GRIK2: variants seen among roughly 807,000 people sequenced by gnomAD.
GRIK2 encodes the protein glutamate ionotropic receptor kainate type subunit 2, also known as glutamate receptor ionotropic, kainate 2.
In GRIK2, 32 loss-of-function variants were observed where a neutral mutation model predicts 100.3. The observed-to-expected ratio is 0.32, with a 90% confidence interval of 0.24 to 0.43. The LOEUF is 0.43. Ranked by LOEUF, GRIK2 falls within the 20% of genes least tolerant of loss-of-function variation. The probability of loss-of-function intolerance (pLI) is 1.00; values close to 1 mark genes in which losing one functional copy is unlikely to be tolerated. For missense variants in GRIK2, 843 were observed against 1,114.9 expected, an observed-to-expected ratio of 0.76 and a Z score of 3.47; for synonymous variants, 417 against 389.4, an observed-to-expected ratio of 1.07 and a Z score of -0.83.
intron 7 of GRIK2, among the ~76,000 whole-genome samples, chr6:101,760,730 A>AATTATATATTTAATTATATT (rs1562364940): frequency 4.5e-5 from 6 of 133,158 alleles, no homozygotes; most frequent in African/African-American, 1.4e-4. Context: ...ATTTAATTAT[A>AATTATATATTTAATTATATT]TAATTATATA....
intron 12 of GRIK2, among the ~76,000 whole-genome samples, chr6:101,897,374 C>T (rs1239824679): frequency 6.6e-6 from 1 of 151,684 alleles, no homozygotes; most frequent in Non-Finnish European, 1.5e-5. Flanking sequence ...TAGATAGCAA[C>T]ATTTTTTCAT....
chr6:101,996,404 T>C (rs1464921643), intron 14 of GRIK2, among the ~76,000 whole-genome samples: 3 of 152,058 alleles, frequency 2.0e-5, no homozygotes, highest in Non-Finnish European at 4.4e-5. Flanking sequence ...CTTTCTTTCC[T>C]ATTGGATTTG....
At chr6:101,891,171 G>A (rs1268323325) in intron 12 of GRIK2, among the ~76,000 whole-genome samples, 1 of 149,052 alleles carries the variant, frequency 6.7e-6, no homozygotes, top group African/African-American at 2.5e-5. Flanking sequence ...TTTTTTTCTA[G>A]CCATAAAAAT....
intron 7 of GRIK2, among the ~76,000 whole-genome samples, chr6:101,742,524 T>G (rs1040110414): frequency 6.6e-5 from 10 of 152,122 alleles, no homozygotes; most frequent in Non-Finnish European, 1.5e-4. Context: ...GGGTGCAGCT[T>G]GGTTTTATAC....
At chr6:101,394,310 G>A (rs1222389509) in intron 1 of GRIK2, among the ~76,000 whole-genome samples, 1 of 152,146 alleles carries the variant, frequency 6.6e-6, no homozygotes, top group African/African-American at 2.4e-5. Context: ...ACCGGCACCC[G>A]TATTAAGAGC....
intron 7 of GRIK2, among the ~76,000 whole-genome samples, chr6:101,702,994 A>C (rs1773002961): frequency 1.3e-5 from 2 of 151,918 alleles, no homozygotes; most frequent in Admixed American, 1.3e-4. Flanking sequence ...TTAGATATCC[A>C]AGCAGGAATA....
intron 14 of GRIK2, among the ~76,000 whole-genome samples, chr6:101,971,676 G>A (rs1024812925): frequency 6.6e-6 from 1 of 151,814 alleles, no homozygotes; most frequent in African/African-American, 2.4e-5. Context: ...CTGAAGTTTG[G>A]GGTATGATCC....
intron 10 of GRIK2, among the ~76,000 whole-genome samples, chr6:101,851,957 C>CAAAAA (rs35210713): frequency 7.7e-6 from 1 of 130,190 alleles, no homozygotes; most frequent in Non-Finnish European, 1.6e-5. Flanking sequence ...TGACTATGGG[C>CAAAAA]AAAAAAAAAA....
rs188718092 is a variant in GRIK2 at position 101,589,974 on chromosome 6, C to G, written c.116-31975C>G. 1.3e-4 allele frequency among the ~76,000 whole-genome samples: 20 copies of G among 152,118 alleles called. No homozygotes were observed. In the East Asian group the frequency reaches 2.9e-3, roughly 22 times the overall value. ...AAATAACATTTTAATATTTGATGTA[C>G]TACAAAAGGTAGAGTGATTTTTGTC... On this transcript the variant is annotated intron_variant, in intron 2 of 16. Coordinates refer to ENST00000369134, the MANE Select transcript of GRIK2 (RefSeq NM_021956.5).
chr6:102,006,387 TATA>T (rs199504464), intron 14 of GRIK2, among the ~76,000 whole-genome samples: 22 of 115,520 alleles, frequency 1.9e-4, no homozygotes, highest in African/African-American at 5.9e-4. Flanking sequence ...TATATATATA[TATA>T]TTTTTTTTTT....
chr6:101,929,913 C>T (rs1790150490), intron 14 of GRIK2, among the ~76,000 whole-genome samples: 1 of 151,974 alleles, frequency 6.6e-6, no homozygotes, highest in South Asian at 2.1e-4. Flanking sequence ...CAAATATAAG[C>T]AAAACAATAC....
At chr6:101,812,233 A>C (rs1260491696) in intron 9 of GRIK2, among the ~76,000 whole-genome samples, 2 of 151,730 alleles carry the variant, frequency 1.3e-5, no homozygotes, top group Non-Finnish European at 3.0e-5. Flanking sequence ...CAAATGAATG[A>C]ATGATATTGG....
intron 10 of GRIK2, among the ~76,000 whole-genome samples, chr6:101,819,052 G>A (rs1781796432): frequency 6.6e-6 from 1 of 152,020 alleles, no homozygotes; most frequent in Admixed American, 6.6e-5. Flanking sequence ...ACTTAATATT[G>A]TTAAGCTAGA....
chr6:101,499,294 C>T (rs575024168), intron 2 of GRIK2, among the ~76,000 whole-genome samples: 13 of 152,054 alleles, frequency 8.5e-5, no homozygotes, highest in East Asian at 3.9e-4. Context: ...TTACGCTTAC[C>T]GAATAAAAAT....
At chr6:101,559,521 T>G (rs1022016457) in intron 2 of GRIK2, among the ~76,000 whole-genome samples, 17 of 152,254 alleles carry the variant, frequency 1.1e-4, no homozygotes, top group Middle Eastern at 6.8e-3. Flanking sequence ...AGATTACAAT[T>G]ATATGTGACA....
At chr6:101,849,389 G>A (rs1028336509) in intron 10 of GRIK2, among the ~76,000 whole-genome samples, 1 of 152,042 alleles carries the variant, frequency 6.6e-6, no homozygotes, top group Non-Finnish European at 1.5e-5. Context: ...AGCACCTCTT[G>A]AGCCCTTAGG....
intron 5 of GRIK2, among the ~76,000 whole-genome samples, chr6:101,679,867 T>C (rs116718296): frequency 0.022 from 3,274 of 152,170 alleles, 106 homozygotes; most frequent in African/African-American, 0.075. Context: ...GCCTCCTGAG[T>C]AGCCGGTATT....
intron 14 of GRIK2, among the ~76,000 whole-genome samples, chr6:101,954,686 T>C (rs539748178): frequency 6.6e-6 from 1 of 152,190 alleles, no homozygotes. Context: ...CCAATCTGGA[T>C]GCCTTTGTGT....
At chr6:102,026,849 T>G (rs546441255) in intron 14 of GRIK2, among the ~76,000 whole-genome samples, 15 of 151,382 alleles carry the variant, frequency 9.9e-5, no homozygotes, top group African/African-American at 3.1e-4. Flanking sequence ...AACTGAATGC[T>G]TTTCAGATCA....
Sources: allele counts gnomAD v4.1 joint callset (sites outside exome capture counted in the v4.1 genomes callset), GRCh38; gene constraint gnomAD v4.1.1; transcripts MANE v1.5; gene names NCBI Gene and HGNC (gene_info 2026-07-23, HGNC 2026-07-21).